DPYD: variants seen among roughly 807,000 people sequenced by gnomAD.
DPYD encodes the protein dihydropyrimidine dehydrogenase [NADP(+)].
Under a neutral mutation model 116.2 loss-of-function variants are expected in DPYD, and 109 were observed. That is an observed-to-expected ratio of 0.94 (90% CI 0.80 to 1.10). DPYD has a LOEUF of 1.10. Ranked by LOEUF, DPYD falls within the 50% of genes least tolerant of loss-of-function variation. The probability of loss-of-function intolerance (pLI) is 0.00; values close to 1 mark genes in which losing one functional copy is unlikely to be tolerated. For synonymous variants in DPYD, 440 were observed against 432.0 expected, an observed-to-expected ratio of 1.02 and a Z score of -0.23; for missense variants, 1,302 against 1,254.5, an observed-to-expected ratio of 1.04 and a Z score of -0.57.
At chr1:97,767,500 C>CGA (rs1329669481) in intron 3 of DPYD, among the ~76,000 whole-genome samples, 14 of 146,474 alleles carry the variant, frequency 9.6e-5, no homozygotes, top group African/African-American at 3.5e-4. Flanking sequence ...GTTCTGTTTC[C>CGA]TCTCTGGAAC....
At chr1:97,826,861 A>G (rs955054931) in intron 3 of DPYD, among the ~76,000 whole-genome samples, 2 of 152,096 alleles carry the variant, frequency 1.3e-5, no homozygotes, top group African/African-American at 4.8e-5. Context: ...GACATTAACA[A>G]TAAAATAGGC....
At chr1:97,398,504 T>A (rs904871136) in intron 14 of DPYD, among the ~76,000 whole-genome samples, 9 of 151,776 alleles carry the variant, frequency 5.9e-5, no homozygotes, top group Non-Finnish European at 1.0e-4. Context: ...TAGTTCTAGA[T>A]CCCTGAGGAA....
chr1:97,574,633 C>T (rs879171489), intron 10 of DPYD, among the ~76,000 whole-genome samples: 6 of 152,048 alleles, frequency 3.9e-5, no homozygotes, highest in Non-Finnish European at 7.4e-5. Context: ...CTGGATACCT[C>T]GGTTTCTGTT....
chr1:97,104,819 C>T (rs531400745), intron 20 of DPYD, among the ~76,000 whole-genome samples: 1 of 152,216 alleles, frequency 6.6e-6, no homozygotes, highest in Non-Finnish European at 1.5e-5. Flanking sequence ...AGGCAGAACA[C>T]ATTTTGTTGT....
chr1:97,176,739 T>C (rs1657285284), intron 20 of DPYD, among the ~76,000 whole-genome samples: 1 of 151,956 alleles, frequency 6.6e-6, no homozygotes, highest in South Asian at 2.1e-4. Context: ...AGGGAGGTCT[T>C]TGGTGAGAGT....
At chr1:97,665,725 A>T (rs1192926931) in intron 8 of DPYD, among the ~76,000 whole-genome samples, 1 of 152,164 alleles carries the variant, frequency 6.6e-6, no homozygotes, top group Admixed American at 6.5e-5. Flanking sequence ...ATGGTTTTTA[A>T]CAAATTTTGC....
At chr1:97,791,852 T>C (rs1007230313) in intron 3 of DPYD, among the ~76,000 whole-genome samples, 3 of 152,150 alleles carry the variant, frequency 2.0e-5, no homozygotes, top group African/African-American at 7.2e-5. Flanking sequence ...TGTTACATTG[T>C]AGGAAAAGAC....
At chr1:97,871,585 C>T (rs1385834982) in intron 2 of DPYD, among the ~76,000 whole-genome samples, 3 of 139,274 alleles carry the variant, frequency 2.2e-5, no homozygotes, top group African/African-American at 8.1e-5. Context: ...GGGAGAAATA[C>T]AGGCAAAAAA....
intron 8 of DPYD, among the ~76,000 whole-genome samples, chr1:97,609,727 TAGAG>T (rs1382538326): frequency 6.6e-6 from 1 of 151,966 alleles, no homozygotes; most frequent in Non-Finnish European, 1.5e-5. Context: ...TCTTTATTGT[TAGAG>T]AGAGAAAAAG....
intron 16 of DPYD, among the ~76,000 whole-genome samples, chr1:97,334,261 C>T (rs891829724): frequency 1.3e-5 from 2 of 152,090 alleles, no homozygotes; most frequent in African/African-American, 2.4e-5. Context: ...TGGAACTCTA[C>T]TTTTTTGAAG....
At chr1:97,210,602 T>C (rs1659970882) in intron 19 of DPYD, among the ~76,000 whole-genome samples, 1 of 152,146 alleles carries the variant, frequency 6.6e-6, no homozygotes, top group South Asian at 2.1e-4. Context: ...AAAATGCACA[T>C]ACATCCTAGC....
intron 2 of DPYD, among the ~76,000 whole-genome samples, chr1:97,853,663 T>C (rs1461888566): frequency 6.6e-6 from 1 of 152,220 alleles, no homozygotes; most frequent in Non-Finnish European, 1.5e-5. Context: ...TTACACATCA[T>C]CTTCAATTAT....
chr1:97,910,013 C>T (rs1445742609), intron 1 of DPYD, among the ~76,000 whole-genome samples: 1 of 151,974 alleles, frequency 6.6e-6, no homozygotes, highest in Non-Finnish European at 1.5e-5. Flanking sequence ...CCTCAAAAGC[C>T]CCTAGCAGAC....
intron 20 of DPYD, among the ~76,000 whole-genome samples, chr1:97,167,061 A>G (rs1318787479): frequency 6.6e-6 from 1 of 152,202 alleles, no homozygotes; most frequent in Non-Finnish European, 1.5e-5. Context: ...ATTTATAAAA[A>G]ATATGAGATT....
At chr1:97,556,492 C>T (rs1190906544) in intron 11 of DPYD, among the ~76,000 whole-genome samples, 2 of 132,214 alleles carry the variant, frequency 1.5e-5, no homozygotes, top group Admixed American at 1.5e-4. Context: ...TCTCCCAATG[C>T]TATCCCTCCC....
At chr1:97,511,801 T>C (rs1278508578) in intron 13 of DPYD, among the ~76,000 whole-genome samples, 3 of 151,902 alleles carry the variant, frequency 2.0e-5, no homozygotes, top group Non-Finnish European at 4.4e-5. Context: ...GGCCAGCCGA[T>C]TTTTACGTAT....
chr1:97,314,157 C>T (rs984290108), intron 16 of DPYD, among the ~76,000 whole-genome samples: 1 of 151,894 alleles, frequency 6.6e-6, no homozygotes, highest in African/African-American at 2.4e-5. Context: ...TAGAAGTCCA[C>T]GAGAACCCAC....
At chr1:97,189,923 C>A (rs1391923091) in intron 20 of DPYD, among the ~76,000 whole-genome samples, 1 of 152,052 alleles carries the variant, frequency 6.6e-6, no homozygotes, top group Non-Finnish European at 1.5e-5. Context: ...AGGTTTTCTG[C>A]TGAATGAATT....
intron 18 of DPYD, among the ~76,000 whole-genome samples, chr1:97,249,557 C>A (rs1662944358): frequency 2.0e-5 from 3 of 149,802 alleles, no homozygotes; most frequent in Non-Finnish European, 3.0e-5. Context: ...CTGAATTAGG[C>A]AAAAATTTCA....
Sources: gnomAD v4.1 joint callset for allele counts (sites outside exome capture counted in the v4.1 genomes callset) on GRCh38, gnomAD v4.1.1 for gene constraint, MANE v1.5 for transcripts, NCBI Gene and HGNC (gene_info 2026-07-23, HGNC 2026-07-21) for gene names.